Variants in NRXN3 observed in about 807,000 individuals in gnomAD.
NRXN3 encodes the protein neurexin 3, also known as neurexin III.
Under a neutral mutation model 137.6 loss-of-function variants are expected in NRXN3, and 32 were observed. The observed-to-expected ratio is 0.23, with a 90% confidence interval of 0.18 to 0.31. NRXN3 has a LOEUF of 0.31. Among genes scored for constraint, NRXN3 ranks in the 10% least tolerant of loss-of-function variants. NRXN3 has a pLI of 1.00. For synonymous variants in NRXN3, 798 were observed against 784.5 expected (o/e 1.02, Z -0.29); for missense variants, 1,574 against 2,062.5 (o/e 0.76, Z 4.59).
At chr14:79,626,887 T>TTTCTA (rs1483446029) in intron 16 of NRXN3, among the ~76,000 whole-genome samples, 2 of 152,190 alleles carry the variant, frequency 1.3e-5, no homozygotes, top group East Asian at 1.9e-4. Flanking sequence ...GGGGAACCAA[T>TTTCTA]ACAAAGTGTT....
intron 14 of NRXN3, among the ~76,000 whole-genome samples, chr14:78,981,531 A>T (rs1015209147): frequency 6.6e-6 from 1 of 152,232 alleles, no homozygotes; most frequent in African/African-American, 2.4e-5. Flanking sequence ...TCAACATTTT[A>T]AAAATTACTT....
intron 15 of NRXN3, among the ~76,000 whole-genome samples, chr14:79,404,172 A>G (rs1439897407): frequency 6.6e-6 from 1 of 152,192 alleles, no homozygotes; most frequent in Non-Finnish European, 1.5e-5. Flanking sequence ...GAGACAACCT[A>G]CACAACGGGA....
intron 15 of NRXN3, among the ~76,000 whole-genome samples, chr14:79,048,102 A>G (rs1261523426): frequency 6.6e-6 from 1 of 152,010 alleles, no homozygotes; most frequent in Non-Finnish European, 1.5e-5. Context: ...ATAAACTACA[A>G]GTAAATGCAA....
chr14:79,260,365 A>G (rs1309575965), intron 15 of NRXN3, among the ~76,000 whole-genome samples: 1 of 152,174 alleles, frequency 6.6e-6, no homozygotes, highest in Admixed American at 6.5e-5. Context: ...GGGAAGTATG[A>G]TCTGTCCTTA....
chr14:79,568,171 A>T (rs2097567271), intron 16 of NRXN3, among the ~76,000 whole-genome samples: 2 of 152,172 alleles, frequency 1.3e-5, no homozygotes, highest in South Asian at 4.1e-4. Context: ...CTCTGAAGGA[A>T]GCGAGATTAC....
chr14:79,390,102 G>A lies in NRXN3; in HGVS notation c.3263-77119G>A, dbSNP rs149418767. 8.6e-3 allele frequency among the ~76,000 whole-genome samples: 1,305 copies of A among 152,106 alleles called. 33 individuals are homozygous for A. The East Asian group carries it at 0.099, about 12-fold the overall frequency. ...GGAGGCCGAGGCTGGTGGATCACGA[G>A]GTCAGGAGATCCAGACCATCCTGGC... On this transcript the variant is annotated intron_variant, in intron 15 of 20. Transcript: ENST00000335750.
intron 10 of NRXN3, among the ~76,000 whole-genome samples, chr14:78,901,208 C>T (rs2099194995): frequency 1.3e-5 from 2 of 151,866 alleles, no homozygotes; most frequent in South Asian, 4.2e-4. Context: ...CTAATTTTCT[C>T]TGTATTTCTT....
intron 1 of NRXN3, among the ~76,000 whole-genome samples, chr14:78,235,458 A>G (rs2066153888): frequency 6.6e-6 from 1 of 152,196 alleles, no homozygotes; most frequent in African/African-American, 2.4e-5. Flanking sequence ...CACAGTTCTC[A>G]TATCATGAGA....
intron 4 of NRXN3, among the ~76,000 whole-genome samples, chr14:78,524,222 C>T (rs1040014764): frequency 1.3e-5 from 2 of 152,004 alleles, no homozygotes; most frequent in African/African-American, 4.8e-5. Flanking sequence ...TGGATAGTTT[C>T]GTATTTCTAC....
chr14:79,242,208 GTCTA>G (rs1003914194), intron 15 of NRXN3, among the ~76,000 whole-genome samples: 4 of 152,130 alleles, frequency 2.6e-5, no homozygotes, highest in African/African-American at 4.8e-5. Context: ...TCAAGCCCAG[GTCTA>G]TCTGACTACA....
At chr14:78,200,678 G>A (rs1253403076) in intron 1 of NRXN3, among the ~76,000 whole-genome samples, 26 of 152,298 alleles carry the variant, frequency 1.7e-4, no homozygotes, top group Non-Finnish European at 2.9e-5. Context: ...TTGATATTAT[G>A]TAATTATTAT....
At chr14:79,230,270 A>G (rs1436376823) in intron 15 of NRXN3, among the ~76,000 whole-genome samples, 2 of 152,164 alleles carry the variant, frequency 1.3e-5, no homozygotes, top group Non-Finnish European at 2.9e-5. Context: ...TTGTGTTGGC[A>G]TCACCACCTC....
At chr14:78,902,171 A>G (rs1333059806) in intron 10 of NRXN3, among the ~76,000 whole-genome samples, 1 of 152,032 alleles carries the variant, frequency 6.6e-6, no homozygotes, top group African/African-American at 2.4e-5. Flanking sequence ...GTTTTCTGGC[A>G]CAGGCATCTC....
chr14:79,861,912 C>G lies in NRXN3; in HGVS notation c.4664C>G (p.Ser1555Trp). 1 of 1,613,746 alleles carries G rather than the reference C, an allele frequency of 6.2e-7. No homozygotes were observed. Among genetic ancestry groups the G allele is most frequent in the East Asian group, 2.2e-5 (1 of 44,844 alleles). ...CTCATGAAGGAGAAGCAGCAGAGCT[C>G]GAAGAGCGGCCACAAGAAACAGAAA... ...GTLMKEKQQS[S>W]KSGHKKQKNK... The change falls in exon 21 of 21, where the codon TCG becomes TGG. Residue 1555 changes from serine to tryptophan, a missense_variant. Around this residue, in one of 5 missense-constraint regions of NRXN3, gnomAD observed 320 missense variants for 387.1 expected, o/e 0.83. Transcript: ENST00000335750. This position sits in a 1 kb window ranked among gnomAD's most constrained non-coding sequence, Gnocchi z 5.4.
chr14:78,427,027 A>C (rs1156946), intron 4 of NRXN3, among the ~76,000 whole-genome samples: 151,729 of 152,126 alleles, frequency 1, 75,667 homozygotes, highest in Non-Finnish European at 1. Context: ...GAGGAGAAAA[A>C]TGTTTTTAAA....
intron 4 of NRXN3, among the ~76,000 whole-genome samples, chr14:78,371,945 C>T (rs1169843108): frequency 6.6e-6 from 1 of 152,180 alleles, no homozygotes; most frequent in African/African-American, 2.4e-5. Flanking sequence ...AACACAGAGG[C>T]ACAGTGAGTG....
chr14:79,681,381 G>T (rs183759346), intron 17 of NRXN3, among the ~76,000 whole-genome samples: 1 of 152,064 alleles, frequency 6.6e-6, no homozygotes, highest in African/African-American at 2.4e-5. Flanking sequence ...CAAAATTTCC[G>T]TGGCTCATGT....
intron 16 of NRXN3, among the ~76,000 whole-genome samples, chr14:79,486,913 T>TTTCTCTC (rs1178939443): frequency 7.8e-6 from 1 of 128,478 alleles, no homozygotes; most frequent in African/African-American, 3.4e-5. Context: ...TCTTTACAGG[T>TTTCTCTC]TCTCTCTCTC....
intron 15 of NRXN3, among the ~76,000 whole-genome samples, chr14:79,365,468 C>T (rs1038991122): frequency 4.0e-5 from 6 of 150,052 alleles, no homozygotes; most frequent in African/African-American, 1.5e-4. Flanking sequence ...GCCTGTAATC[C>T]CAGCACTTTG....
Sources: gnomAD v4.1 joint callset for allele counts (sites outside exome capture counted in the v4.1 genomes callset) on GRCh38, gnomAD v4.1.1 for gene constraint, gnomAD v4.1.1 regional missense constraint, Gnocchi (gnomAD v3.1) non-coding constraint, MANE v1.5 for transcripts, NCBI Gene and HGNC (gene_info 2026-07-23, HGNC 2026-07-21) for gene names.